The following TAFA2 variants were observed in gnomAD, a reference collection of about 807,000 sequenced individuals.
The protein encoded by TAFA2 is chemokine-like protein TAFA-2.
TAFA2 carries 7 observed loss-of-function variants against 18.8 expected under a neutral mutation model. That is an observed-to-expected ratio of 0.37 (90% CI 0.21 to 0.70). The LOEUF (loss-of-function observed/expected upper bound fraction) is 0.70, where lower values mean the gene tolerates loss of function less well. Among genes scored for constraint, TAFA2 ranks in the 30% least tolerant of loss-of-function variants. The pLI, the probability that TAFA2 is intolerant of heterozygous loss-of-function variation, is 0.53. For missense variants in TAFA2, 122 were observed against 158.1 expected (o/e 0.77, Z 1.23); for synonymous variants, 60 against 54.2 (o/e 1.11, Z -0.47).
chr12:61,876,171 A>G (rs1418855312), intron 1 of TAFA2, among the ~76,000 whole-genome samples: 3 of 152,186 alleles, frequency 2.0e-5, no homozygotes, highest in African/African-American at 4.8e-5. Flanking sequence ...TAATGGAACC[A>G]GTTCTAAATA....
intron 2 of TAFA2, among the ~76,000 whole-genome samples, chr12:61,805,417 C>T (rs1473336715): frequency 3.3e-5 from 5 of 151,942 alleles, no homozygotes; most frequent in Non-Finnish European, 7.4e-5. Flanking sequence ...TAACATCATG[C>T]CATACTATAT....
rs574004849 is a variant in TAFA2 at position 62,178,350 on chromosome 12, T to C, written c.-2+12909A>G. On this transcript the variant is annotated intron_variant, in intron 1 of 4. Coordinates refer to ENST00000416284, the MANE Select transcript of TAFA2 (RefSeq NM_178539.5). ...CCTCAGTGGGGCAGTAATAAAATTC[T>C]GTCAGGAGTATAAAAGGTCACCGTT... 1.9e-3 allele frequency among the ~76,000 whole-genome samples: 290 copies of C among 152,316 alleles called. 2 individuals are homozygous for C. Among genetic ancestry groups the C allele is most frequent in the African/African-American group, 6.8e-3 (281 of 41,580 alleles).
At chr12:62,101,505 C>T (rs755598640) in intron 1 of TAFA2, among the ~76,000 whole-genome samples, 2 of 152,158 alleles carry the variant, frequency 1.3e-5, no homozygotes, top group Non-Finnish European at 2.9e-5. Flanking sequence ...TAAGCCCAAA[C>T]GTAACTCTTA....
intron 1 of TAFA2, among the ~76,000 whole-genome samples, chr12:62,243,257 T>C (rs2062870920): frequency 6.6e-6 from 1 of 152,198 alleles, no homozygotes; most frequent in Admixed American, 6.5e-5. Flanking sequence ...ACCTTACTGA[T>C]AAAAGAAGCA....
chr12:62,042,533 C>G (rs139312277), intron 1 of TAFA2, among the ~76,000 whole-genome samples: 25 of 152,058 alleles, frequency 1.6e-4, no homozygotes, highest in African/African-American at 6.0e-4. Context: ...GAGCCTTGCC[C>G]TGAATTCTGT....
chr12:61,837,976 G>A (rs1275842009), intron 2 of TAFA2, among the ~76,000 whole-genome samples: 1 of 151,934 alleles, frequency 6.6e-6, no homozygotes, highest in Non-Finnish European at 1.5e-5. Flanking sequence ...ATTCTATGCT[G>A]CCACATCTAT....
chr12:62,031,788 T>C (rs1265057784), intron 1 of TAFA2, among the ~76,000 whole-genome samples: 1 of 152,190 alleles, frequency 6.6e-6, no homozygotes, highest in Non-Finnish European at 1.5e-5. Context: ...CCTCTGTTGA[T>C]ATATATGTTG....
At chr12:62,100,138 T>TACAC (rs373455310) in intron 1 of TAFA2, among the ~76,000 whole-genome samples, 18,595 of 145,626 alleles carry the variant, frequency 0.13, 1,350 homozygotes, top group Non-Finnish European at 0.17. Flanking sequence ...CAACTCCCTC[T>TACAC]ACACACACAC....
intron 1 of TAFA2, among the ~76,000 whole-genome samples, chr12:61,991,125 C>G (rs1217899841): frequency 6.6e-6 from 1 of 152,168 alleles, no homozygotes; most frequent in Non-Finnish European, 1.5e-5. Flanking sequence ...ATTACTTGCT[C>G]TAGCATTTAT....
chr12:61,834,772 G>T lies in TAFA2; in HGVS notation c.106+32548C>A, dbSNP rs76920806. On this transcript the variant is annotated intron_variant, in intron 2 of 4. Transcript: ENST00000416284. The stretch of plus-strand genomic sequence containing the variant: ...CTATCAACAGTTGATTTTATTATTG[G>T]ACTGGATTATTTTTCTTGATTAAAT... Among the ~76,000 whole-genome samples the T allele has an allele frequency of 8.6e-3, 1,300 of 151,894 alleles. 12 individuals are homozygous for T. The highest frequency in any genetic ancestry group is 0.029 in the African/African-American group (1,219 of 41,446).
intron 2 of TAFA2, among the ~76,000 whole-genome samples, chr12:61,782,304 C>A (rs1870539612): frequency 6.6e-6 from 1 of 151,626 alleles, no homozygotes; most frequent in African/African-American, 2.4e-5. Context: ...ACAATCTATT[C>A]TCTCTGAAGC....
intron 1 of TAFA2, among the ~76,000 whole-genome samples, chr12:61,949,135 T>C (rs1878377010): frequency 6.6e-6 from 1 of 152,162 alleles, no homozygotes; most frequent in Non-Finnish European, 1.5e-5. Flanking sequence ...AAGCAGATTG[T>C]CCTCCCTACT....
intron 1 of TAFA2, among the ~76,000 whole-genome samples, chr12:62,228,864 T>C (rs1269064826): frequency 6.6e-6 from 1 of 152,194 alleles, no homozygotes; most frequent in Non-Finnish European, 1.5e-5. Flanking sequence ...GAATATCTTC[T>C]ATATTTATAC....
intron 2 of TAFA2, among the ~76,000 whole-genome samples, chr12:61,817,048 A>G (rs1443931600): frequency 2.0e-5 from 3 of 151,320 alleles, no homozygotes; most frequent in Admixed American, 1.3e-4. Context: ...CATAGCTCGC[A>G]GTCTATTTGA....
At chr12:61,931,366 T>G (rs1877547508) in intron 1 of TAFA2, among the ~76,000 whole-genome samples, 1 of 152,212 alleles carries the variant, frequency 6.6e-6, no homozygotes, top group African/African-American at 2.4e-5. Flanking sequence ...TATTGTAATA[T>G]TCCAATTCAA....
chr12:61,710,456 C>T (rs779278804), intron 4 of TAFA2, 39 bp from the exon 5 acceptor site: 3 of 1,525,420 alleles, frequency 2.0e-6, no homozygotes, highest in Non-Finnish European at 2.7e-6. Flanking sequence ...CATTTCATAA[C>T]ATACCGATAA....
At chr12:62,258,758 C>T (rs1042852269) in intron 1 of TAFA2, 2 of 373,744 alleles carry the variant, frequency 5.4e-6, no homozygotes, top group Non-Finnish European at 1.1e-5. Context: ...GAGGTTTGAA[C>T]TTACATCCAT....
chr12:61,947,843 T>A (rs1878333458), intron 1 of TAFA2, among the ~76,000 whole-genome samples: 1 of 152,150 alleles, frequency 6.6e-6, no homozygotes, highest in Non-Finnish European at 1.5e-5. Flanking sequence ...CTGAAGAGCT[T>A]AGCACAAATC....
chr12:62,116,883 T>C lies in TAFA2; in HGVS notation c.-2+74376A>G, dbSNP rs111525580. On this transcript the variant is annotated intron_variant, in intron 1 of 4. Transcript: ENST00000416284. Reference sequence around the variant, plus strand: ...ATGAGGTTGTCTATTTGGCCACTTTTATCTATTTGGCCATTTTAAATAAGT... The same window carrying C: ...ATGAGGTTGTCTATTTGGCCACTTTCATCTATTTGGCCATTTTAAATAAGT... 3.7e-3 allele frequency among the ~76,000 whole-genome samples: 562 copies of C among 152,288 alleles called. 5 individuals are homozygous for C. The highest frequency in any genetic ancestry group is 0.013 in the African/African-American group (541 of 41,562).
Sources: gnomAD v4.1 joint callset for allele counts (sites outside exome capture counted in the v4.1 genomes callset) on GRCh38, gnomAD v4.1.1 for gene constraint, MANE v1.5 for transcripts, NCBI Gene and HGNC (gene_info 2026-07-23, HGNC 2026-07-21) for gene names.